Variants in NBPF14 observed in about 807,000 individuals in gnomAD.
NBPF14 encodes NBPF family member NBPF14.
In NBPF14, 104 loss-of-function variants were observed where a neutral mutation model predicts 91.2. The ratio of observed to expected loss-of-function variants is 1.14; its 90% CI spans 0.97 to 1.34. NBPF14 has a LOEUF of 1.34. Among genes scored for constraint, NBPF14 ranks in the 40% most tolerant of loss-of-function variants. The probability of loss-of-function intolerance (pLI) is 0.00; values close to 1 mark genes in which losing one functional copy is unlikely to be tolerated. For synonymous variants in NBPF14, 294 were observed against 303.8 expected (o/e 0.97, Z 0.34); for missense variants, 908 against 783.0 (o/e 1.16, Z -1.91).
intron 28 of NBPF14, among the ~76,000 whole-genome samples, chr1:148,566,543 AC>A (rs1658414599): frequency 2.9e-5 from 3 of 105,148 alleles, no homozygotes; most frequent in East Asian, 2.4e-4. Flanking sequence ...ACACACACAA[AC>A]ACACACACAC....
intron 12 of NBPF14, among the ~76,000 whole-genome samples, chr1:148,579,918 C>T (rs1660648795): frequency 2.0e-5 from 3 of 152,124 alleles, no homozygotes; most frequent in Non-Finnish European, 4.4e-5. Context: ...ACAAAAAAGA[C>T]ATCCACCCCA....
chr1:148,556,661 C>T, intron 41 of NBPF14, 29 bp downstream of exon 41: 1 of 100,076 alleles, frequency 1.0e-5, no homozygotes, highest in Non-Finnish European at 1.6e-5. Context: ...CTCAGTGGAT[C>T]CTTATCACCT....
rs1553336169 is a variant in NBPF14 at position 148,577,742 on chromosome 1, T to C, written c.1853+241A>G. Reference sequence around the variant, plus strand: ...AAATGTGCTCAAGTTTCCCGGCAGTTACCATGAGAATACAGCTTTTGAGGT... The same window carrying C: ...AAATGTGCTCAAGTTTCCCGGCAGTCACCATGAGAATACAGCTTTTGAGGT... On this transcript the variant is annotated intron_variant, in intron 14 of 70. Coordinates refer to ENST00000619423, the Ensembl canonical transcript of NBPF14. Among the ~76,000 whole-genome samples the C allele has an allele frequency of 8.8e-3, 1,243 of 141,234 alleles. 7 individuals are homozygous for C. Among genetic ancestry groups the C allele is most frequent in the Middle Eastern group, 0.034 (10 of 290 alleles). 92.7% of individuals were successfully genotyped at this position (141,234 alleles called of 152,430 possible). A position where few individuals can be genotyped will look rare whatever the true frequency, so the allele number is the denominator to read the frequency against.
chr1:148,535,247 G>A (rs2149474861), intron 68 of NBPF14, among the ~76,000 whole-genome samples: 3 of 150,698 alleles, frequency 2.0e-5, no homozygotes, highest in South Asian at 2.1e-4. Context: ...TTTGAGGTAT[G>A]GTCAACCTAC....
chr1:148,533,676 G>C (rs1654224081), intron 70 of NBPF14, among the ~76,000 whole-genome samples, 185 bp downstream of exon 70: 1 of 149,670 alleles, frequency 6.7e-6, no homozygotes, highest in African/African-American at 2.5e-5. Flanking sequence ...TGGTACGTTA[G>C]GAAATGATAA....
chr1:148,577,926 A>G (rs1321606917), intron 14 of NBPF14, 57 bp downstream of exon 14: 5 of 634,050 alleles, frequency 7.9e-6, no homozygotes, highest in African/African-American at 6.1e-5. Flanking sequence ...TTTTCCCTGG[A>G]CTTGGCATCT....
intron 6 of NBPF14, among the ~76,000 whole-genome samples, chr1:148,589,989 C>T (rs1662187653): frequency 1.4e-5 from 2 of 146,212 alleles, no homozygotes. Flanking sequence ...ACCTCAGCCT[C>T]CCAAAGTGCT....
At chr1:148,533,227 T>G in exon 71 of NBPF14, 2 of 697,926 alleles carry the variant, frequency 2.9e-6, no homozygotes, top group Admixed American at 7.7e-5. Flanking sequence ...GCTCTTCCAC[T>G]TCCATCAGCA....
At chr1:148,586,868 G>A (rs1286841246) in intron 8 of NBPF14, among the ~76,000 whole-genome samples, 4 of 140,234 alleles carry the variant, frequency 2.9e-5, no homozygotes, top group South Asian at 4.8e-4. Context: ...CAGATGGGGC[G>A]AATTGAAAAG....
chr1:148,566,525 AC>A lies in NBPF14; in HGVS notation c.3543-211del, dbSNP rs1658379209. On this transcript the variant is annotated intron_variant, in intron 28 of 70. Coordinates refer to ENST00000619423, the Ensembl canonical transcript of NBPF14. ...GAAAGACAGACACACACACACACACACACACACACACACACAAACACACACA... is the reference window on the plus strand; with the variant it reads ...GAAAGACAGACACACACACACACACAACACACACACACACAAACACACACA... Among the ~76,000 whole-genome samples, 302 of 131,220 alleles carry A rather than the reference AC, an allele frequency of 2.3e-3. 21 individuals are homozygous for A. Among genetic ancestry groups the A allele is most frequent in the Middle Eastern group, 8.3e-3 (2 of 242 alleles). The allele number at this position is 131,220 out of a possible 152,430, so 86.1% of individuals were successfully genotyped here. A position where few individuals can be genotyped will look rare whatever the true frequency, so the allele number is the denominator to read the frequency against.
rs1465116126 is a variant in NBPF14, at chr1:148,535,344, A to C, written c.8441+109T>G. On this transcript the variant is annotated intron_variant, in intron 68 of 70. Transcript: ENST00000619423. ...AACCAACAGCAATGTCAGTAGGAGT[A>C]ATTCAACCTTCGCTGAAAACATGAA... 253 of 584,370 alleles carry C rather than the reference A, an allele frequency of 4.3e-4. 2 individuals are homozygous for C. Among genetic ancestry groups the C allele is most frequent in the Non-Finnish European group, 6.3e-4 (210 of 334,928 alleles). The allele number at this position is 584,370 out of a possible 1,614,324, so 36.2% of individuals were successfully genotyped here. A position where few individuals can be genotyped will look rare whatever the true frequency, so the allele number is the denominator to read the frequency against.
intron 40 of NBPF14, among the ~76,000 whole-genome samples, 159 bp from the exon 41 acceptor site, chr1:148,557,021 A>G (rs1158799334): frequency 3.3e-4 from 31 of 93,560 alleles, no homozygotes; most frequent in Middle Eastern, 4.7e-3. Flanking sequence ...GGGACAGAAC[A>G]GGGCCAAATG....
exon 37 of NBPF14, chr1:148,559,878 A>T: frequency 7.2e-7 from 1 of 1,393,544 alleles, no homozygotes; most frequent in East Asian, 2.5e-5. Flanking sequence ...CAGTCAGTTC[A>T]AGACAACCTG....
chr1:148,560,279 A>G (rs1657589438), intron 36 of NBPF14, among the ~76,000 whole-genome samples: 1 of 144,426 alleles, frequency 6.9e-6, no homozygotes, highest in Non-Finnish European at 1.5e-5. Flanking sequence ...CTCATGACAC[A>G]CAGCAAACTG....
exon 21 of NBPF14, chr1:148,572,496 C>T: frequency 1.7e-6 from 1 of 583,180 alleles, no homozygotes; most frequent in Admixed American, 2.5e-5. Context: ...GTAAACAGCA[C>T]TGCTGTAGGG....
chr1:148,535,391 C>G (rs1654945099), intron 68 of NBPF14, 62 bp downstream of exon 68: 2 of 511,618 alleles, frequency 3.9e-6, no homozygotes, highest in Non-Finnish European at 6.8e-6. Context: ...TCTTGTTTTC[C>G]CTGGACCTGG....
At chr1:148,572,538 G>A (rs1659254462) in exon 21 of NBPF14, 1 of 646,336 alleles carries the variant, frequency 1.5e-6, no homozygotes, top group Non-Finnish European at 2.7e-6. Context: ...AAGATAACCT[G>A]AAGGAGTCGA....
At chr1:148,534,049 C>G in intron 69 of NBPF14, 80 bp from the exon 70 acceptor site, 8 of 619,348 alleles carry the variant, frequency 1.3e-5, no homozygotes, top group Non-Finnish European at 1.2e-5. Flanking sequence ...AATCCTCACA[C>G]AGGGACCTCA....
chr1:148,534,011 C>T (rs1654346216), intron 69 of NBPF14, 42 bp from the exon 70 acceptor site: 2 of 677,786 alleles, frequency 3.0e-6, no homozygotes, highest in South Asian at 3.2e-5. Context: ...TAAGCTGATT[C>T]CCCTACACAC....
Sources: allele counts gnomAD v4.1 joint callset (sites outside exome capture counted in the v4.1 genomes callset), GRCh38; gene constraint gnomAD v4.1.1; transcripts MANE v1.5; gene names NCBI Gene and HGNC (gene_info 2026-07-23, HGNC 2026-07-21).